Variants in SRFBP1 observed in about 807,000 individuals in gnomAD.
SRFBP1 encodes the protein serum response factor binding protein 1, also known as serum response factor-binding protein 1.
In SRFBP1, 47 loss-of-function variants were observed where a neutral mutation model predicts 45.5. That is an observed-to-expected ratio of 1.03 (90% CI 0.82 to 1.32). The LOEUF (loss-of-function observed/expected upper bound fraction) is 1.32, where lower values mean the gene tolerates loss of function less well. Ranked by LOEUF, SRFBP1 falls within the 40% of genes most tolerant of loss-of-function variation. The pLI is 0.00. For missense variants in SRFBP1, 621 were observed against 484.6 expected, an observed-to-expected ratio of 1.28 and a Z score of -2.64; for synonymous variants, 203 against 166.3, an observed-to-expected ratio of 1.22 and a Z score of -1.70.
At position 122,020,757 on chromosome 5, in the gene SRFBP1, A is replaced by T; in HGVS notation, c.1022A>T (p.Glu341Val). Reference protein sequence around the residue: ...IKPSTETRKLESVFFHSLSGS... With the variant: ...IKPSTETRKLVSVFFHSLSGS... ...CCAAGTACAGAAACCAGAAAGTTAG[A>T]ATCAGTGTTTTTCCACTCTTTATCT... Residue 341 changes from glutamate (E) to valine (V), a missense_variant, in exon 6 of 8, where the codon GAA becomes GTA. By Grantham distance (121) the Glu-to-Val change is moderately radical. Transcript: ENST00000339397. 1 of 1,600,058 alleles carries T rather than the reference A, an allele frequency of 6.2e-7. No homozygotes were observed. The highest frequency in any genetic ancestry group is 8.5e-7 in the Non-Finnish European group (1 of 1,175,808).
At chr5:122,019,894 C>G (rs1219457250) in intron 5 of SRFBP1, among the ~76,000 whole-genome samples, 194 bp from the exon 6 acceptor site, 1 of 152,074 alleles carries the variant, frequency 6.6e-6, no homozygotes, top group African/African-American at 2.4e-5. Flanking sequence ...ATGAATACGT[C>G]TGAGCATATC....
In SRFBP1 at chr5:122,050,187, A is replaced by G. The variant is rs554495541; in HGVS notation, n.312-25128A>G. Among the ~76,000 whole-genome samples the G allele has an allele frequency of 4.6e-5, 7 of 152,178 alleles. No homozygotes were observed. In the East Asian group the frequency reaches 1.4e-3, roughly 29 times the overall value. ...ATTTTTCCATCTATGTTCATCAAGGATATTGGCCTGAAGTTTTCTTTCTTT... is the reference window on the plus strand; with the variant it reads ...ATTTTTCCATCTATGTTCATCAAGGGTATTGGCCTGAAGTTTTCTTTCTTT... On this transcript the variant is annotated intron_variant and non_coding_transcript_variant, in intron 2 of 2. Coordinates refer to the SRFBP1 transcript ENST00000504881.
intron 3 of SRFBP1, among the ~76,000 whole-genome samples, chr5:121,981,932 G>A (rs1752416530): frequency 1.3e-5 from 2 of 151,812 alleles, no homozygotes; most frequent in African/African-American, 4.8e-5. Flanking sequence ...AGTGAACGCT[G>A]CTTGGCTAGC....
intron 2 of SRFBP1, among the ~76,000 whole-genome samples, chr5:122,039,560 C>G (rs2112728460): frequency 6.6e-6 from 1 of 152,286 alleles, no homozygotes; most frequent in South Asian, 2.1e-4. Context: ...TTTTCACCTT[C>G]CCCACAAAAC....
intron 4 of SRFBP1, among the ~76,000 whole-genome samples, chr5:122,006,442 A>C (rs1474169694): frequency 6.6e-6 from 1 of 151,844 alleles, no homozygotes; most frequent in Non-Finnish European, 1.5e-5. Context: ...TCTTTCCTCA[A>C]ATTTGAAATT....
chr5:122,002,032 T>G (rs1191518716), intron 4 of SRFBP1, among the ~76,000 whole-genome samples: 1 of 152,246 alleles, frequency 6.6e-6, no homozygotes, highest in Non-Finnish European at 1.5e-5. Context: ...TGATTTGTCT[T>G]TAAAATTGAA....
intron 2 of SRFBP1, chr5:122,066,612 C>A: frequency 2.8e-6 from 2 of 718,080 alleles, no homozygotes; most frequent in Non-Finnish European, 4.8e-6. Context: ...TGAAAACAGT[C>A]CAAACAAAAA....
intron 2 of SRFBP1, among the ~76,000 whole-genome samples, chr5:122,059,464 C>A (rs762607426): frequency 1.3e-5 from 2 of 151,956 alleles, no homozygotes; most frequent in African/African-American, 4.8e-5. Flanking sequence ...GTTTAGGAAC[C>A]CCTGGGATGA....
intron 1 of SRFBP1, among the ~76,000 whole-genome samples, chr5:121,971,036 G>A (rs1399936466): frequency 6.6e-6 from 1 of 152,090 alleles, no homozygotes; most frequent in African/African-American, 2.4e-5. Flanking sequence ...ATTCTGACCA[G>A]TGGAAATGGT....
At chr5:121,976,275 A>G (rs950126879) in intron 3 of SRFBP1, among the ~76,000 whole-genome samples, 5 of 151,944 alleles carry the variant, frequency 3.3e-5, no homozygotes, top group African/African-American at 1.2e-4. Context: ...TATGAAGTAT[A>G]TTTGTTTCTT....
At chr5:122,060,145 A>G (rs1460662927) in intron 2 of SRFBP1, among the ~76,000 whole-genome samples, 1 of 152,090 alleles carries the variant, frequency 6.6e-6, no homozygotes, top group South Asian at 2.1e-4. Flanking sequence ...GGAAAGTAAT[A>G]TGGAAGTAGA....
At chr5:122,037,521 A>G (rs532357896) in intron 2 of SRFBP1, among the ~76,000 whole-genome samples, 3 of 151,026 alleles carry the variant, frequency 2.0e-5, no homozygotes, top group East Asian at 1.9e-4. Flanking sequence ...TATTTTTTTC[A>G]TTTTTTAGAG....
At chr5:122,046,106 T>C (rs147942349) in intron 2 of SRFBP1, among the ~76,000 whole-genome samples, 1 of 152,096 alleles carries the variant, frequency 6.6e-6, no homozygotes, top group Non-Finnish European at 1.5e-5. Context: ...TGCAGGTTAG[T>C]TACACATGTA....
rs2112681666 is a variant in SRFBP1 at position 121,999,281 on chromosome 5, A to G, written c.270+4611A>G. Among the ~76,000 whole-genome samples, 3 of 152,172 alleles carry G rather than the reference A, an allele frequency of 2.0e-5. No individual in the cohort carries two copies. The Middle Eastern group carries it at 0.01, about 518-fold the overall frequency. On this transcript the variant is annotated intron_variant, in intron 4 of 7. Coordinates refer to ENST00000339397, the MANE Select transcript of SRFBP1 (RefSeq NM_152546.3). ...ATTTCCAGACCGTTAGGGGTTTTCC[A>G]GTATCTTTTTGCAATTTTTTTTATT...
chr5:122,078,147 ACCCTTC>A (rs1754697817), downstream of SRFBP1: 2 of 581,398 alleles, frequency 3.4e-6, no homozygotes, highest in Non-Finnish European at 5.3e-6. Flanking sequence ...TGGGATTCAG[ACCCTTC>A]CCCAGTCAAG....
Position 122,033,953 on chromosome 5 carries a change from A to G in SRFBP1, n.311+11546A>G, listed in dbSNP as rs547523283. ...GTTCTCCTGCCTCAGCCTCCTGGGTAGCTGGGATTACAGGCACACGCCACC... is the reference window on the plus strand; with the variant it reads ...GTTCTCCTGCCTCAGCCTCCTGGGTGGCTGGGATTACAGGCACACGCCACC... On this transcript the variant is annotated intron_variant and non_coding_transcript_variant, in intron 2 of 2. Coordinates refer to the SRFBP1 transcript ENST00000504881. 4.8e-4 allele frequency among the ~76,000 whole-genome samples: 70 copies of G among 146,682 alleles called. 2 individuals are homozygous for G. In the South Asian group the frequency reaches 0.015, roughly 31 times the overall value.
chr5:121,966,172 C>T (rs1358174685), intron 1 of SRFBP1, among the ~76,000 whole-genome samples: 1 of 152,170 alleles, frequency 6.6e-6, no homozygotes, highest in African/African-American at 2.4e-5. Context: ...TTTGAATACG[C>T]TTTATTTCTT....
At chr5:121,990,135 G>T (rs1396756004) in intron 3 of SRFBP1, among the ~76,000 whole-genome samples, 1 of 152,068 alleles carries the variant, frequency 6.6e-6, no homozygotes, top group Non-Finnish European at 1.5e-5. Flanking sequence ...GTTCACGGCT[G>T]CACTATTTAC....
rs188323830 is a variant in SRFBP1 at position 122,002,273 on chromosome 5, A to T, written c.270+7603A>T. Among the ~76,000 whole-genome samples the T allele has an allele frequency of 1.2e-3, 178 of 152,322 alleles. 1 individual carries two copies. The highest frequency in any genetic ancestry group is 4.2e-3 in the African/African-American group (173 of 41,584). On this transcript the variant is annotated intron_variant, in intron 4 of 7. Coordinates refer to ENST00000339397, the MANE Select transcript of SRFBP1 (RefSeq NM_152546.3). The stretch of plus-strand genomic sequence containing the variant: ...AAGAATGTAAATCCATGTCTTCTTA[A>T]GGTTTCATTAACATAGCAGGGTTTT...
Sources: allele counts gnomAD v4.1 joint callset (sites outside exome capture counted in the v4.1 genomes callset), GRCh38; gene constraint gnomAD v4.1.1; transcripts MANE v1.5; gene names NCBI Gene and HGNC (gene_info 2026-07-23, HGNC 2026-07-21).